PALLD: variants seen among roughly 807,000 people sequenced by gnomAD.
The protein encoded by PALLD is palladin.
PALLD carries 61 observed loss-of-function variants against 123.5 expected under a neutral mutation model. The ratio of observed to expected loss-of-function variants is 0.49; its 90% CI spans 0.40 to 0.61. The LOEUF is 0.61. PALLD is among the 20% of genes least tolerant of loss of function. PALLD has a pLI of 0.00. For missense variants in PALLD, 1,273 were observed against 1,377.0 expected, an observed-to-expected ratio of 0.92 and a Z score of 1.20; for synonymous variants, 465 against 496.4, an observed-to-expected ratio of 0.94 and a Z score of 0.84.
At chr4:168,830,754 G>T (rs1257866708) in intron 10 of PALLD, among the ~76,000 whole-genome samples, 1 of 152,148 alleles carries the variant, frequency 6.6e-6, no homozygotes, top group Non-Finnish European at 1.5e-5. Context: ...AGTCAATAAA[G>T]ATATTTCCGA....
intron 10 of PALLD, among the ~76,000 whole-genome samples, chr4:168,810,457 C>CT (rs1384103479): frequency 6.6e-6 from 1 of 151,924 alleles, no homozygotes; most frequent in African/African-American, 2.4e-5. Flanking sequence ...GAGTTCGAGA[C>CT]CAGCCTGGCC....
intron 10 of PALLD, among the ~76,000 whole-genome samples, chr4:168,867,008 T>C (rs991410023): frequency 6.6e-6 from 1 of 152,190 alleles, no homozygotes; most frequent in African/African-American, 2.4e-5. Flanking sequence ...TAAGTCGTGG[T>C]GCTTTGGTTA....
chr4:168,724,719 A>G (rs1786374267), intron 10 of PALLD, among the ~76,000 whole-genome samples: 1 of 152,174 alleles, frequency 6.6e-6, no homozygotes, highest in Non-Finnish European at 1.5e-5. Flanking sequence ...AGAAACCATA[A>G]TTACGATCAG....
chr4:168,765,005 A>G (rs1733472529), intron 10 of PALLD, among the ~76,000 whole-genome samples: 1 of 152,218 alleles, frequency 6.6e-6, no homozygotes, highest in African/African-American at 2.4e-5. Flanking sequence ...TAAACAGGAA[A>G]GAACATGATT....
At chr4:168,758,809 C>T (rs1411571219) in intron 10 of PALLD, among the ~76,000 whole-genome samples, 1 of 152,012 alleles carries the variant, frequency 6.6e-6, no homozygotes, top group Non-Finnish European at 1.5e-5. Context: ...GTTTCTCTCA[C>T]CAAGAAATAC....
Position 168,708,798 on chromosome 4 carries a change from A to G in PALLD, c.1502-230A>G, listed in dbSNP as rs1255915312. Among the ~76,000 whole-genome samples, 3 of 152,196 alleles carry G rather than the reference A, an allele frequency of 2.0e-5. No individual in the cohort carries two copies. The East Asian group carries it at 5.8e-4, about 29-fold the overall frequency. On this transcript the variant is annotated intron_variant, in intron 8 of 21. Coordinates refer to ENST00000505667, the MANE Select transcript of PALLD (RefSeq NM_001166108.2). ...CCCCATTTTATAGATGAGGACACCG[A>G]GACTGCTCTTGTCCAACATCACAAA... is the stretch of plus-strand genomic sequence containing the variant.
intron 10 of PALLD, among the ~76,000 whole-genome samples, chr4:168,798,962 C>A (rs1012430059): frequency 6.6e-6 from 1 of 152,128 alleles, no homozygotes; most frequent in African/African-American, 2.4e-5. Flanking sequence ...GAGCAATGAA[C>A]GAATCATGAA....
chr4:168,658,468 G>A (rs965533292), intron 2 of PALLD, among the ~76,000 whole-genome samples: 1 of 151,466 alleles, frequency 6.6e-6, no homozygotes, highest in Non-Finnish European at 1.5e-5. Flanking sequence ...AATTTTTTTT[G>A]TAGAGACAGG....
intron 3 of PALLD, among the ~76,000 whole-genome samples, chr4:168,673,495 C>T (rs1414927921): frequency 1.3e-5 from 2 of 152,286 alleles, no homozygotes; most frequent in Admixed American, 1.3e-4. Context: ...AGGCTTGGGC[C>T]GCAGCCGGGG....
intron 2 of PALLD, among the ~76,000 whole-genome samples, chr4:168,556,038 C>T (rs1767250508): frequency 6.6e-6 from 1 of 152,044 alleles, no homozygotes; most frequent in African/African-American, 2.4e-5. Context: ...GGTTTAAGAC[C>T]TCTTAGCACA....
chr4:168,776,110 T>C (rs1190984848), intron 10 of PALLD, among the ~76,000 whole-genome samples: 2 of 152,246 alleles, frequency 1.3e-5, no homozygotes, highest in African/African-American at 2.4e-5. Context: ...TTTGAACTTA[T>C]AGATCAATTT....
chr4:168,893,937 G>A (rs1489744921), intron 11 of PALLD, among the ~76,000 whole-genome samples: 5 of 152,210 alleles, frequency 3.3e-5, no homozygotes, highest in African/African-American at 1.2e-4. Context: ...ATTCAGCCAT[G>A]TGCATCATTC....
chr4:168,644,978 G>A (rs1450907324), intron 2 of PALLD, among the ~76,000 whole-genome samples: 2 of 151,834 alleles, frequency 1.3e-5, no homozygotes, highest in South Asian at 2.1e-4. Flanking sequence ...GTGGGCGCCT[G>A]TAATCCCAGC....
rs1186273408 is a variant in PALLD at position 168,770,560 on chromosome 4, T to C, written c.1964+58637T>C. 2.0e-5 allele frequency among the ~76,000 whole-genome samples: 3 copies of C among 152,182 alleles called. No individual in the cohort carries two copies. In the East Asian group the frequency reaches 5.8e-4, roughly 29 times the overall value. ...CCTGGGAAAAGGAAGTGTCTGTGGT[T>C]TTCATAGAGCATTCAGATCTTTTTT... On this transcript the variant is annotated intron_variant, in intron 10 of 21. Coordinates refer to ENST00000505667, the MANE Select transcript of PALLD (RefSeq NM_001166108.2).
chr4:168,606,785 T>C (rs1773228354), intron 2 of PALLD, among the ~76,000 whole-genome samples: 1 of 152,142 alleles, frequency 6.6e-6, no homozygotes, highest in Admixed American at 6.5e-5. Flanking sequence ...GTGTCCCCTT[T>C]GAATCCCTAC....
intron 2 of PALLD, among the ~76,000 whole-genome samples, chr4:168,637,773 A>C (rs184249665): frequency 1.3e-5 from 2 of 152,182 alleles, no homozygotes; most frequent in African/African-American, 4.8e-5. Flanking sequence ...GCGAAACCCC[A>C]TCTGTACTAA....
chr4:168,766,275 T>C (rs1033808961), intron 10 of PALLD, among the ~76,000 whole-genome samples: 1 of 152,276 alleles, frequency 6.6e-6, no homozygotes, highest in African/African-American at 2.4e-5. Flanking sequence ...CCTAGACTTC[T>C]GGGCAGCTCT....
At chr4:168,670,026 A>C (rs2150022121) in intron 3 of PALLD, among the ~76,000 whole-genome samples, 1 of 152,338 alleles carries the variant, frequency 6.6e-6, no homozygotes, top group Non-Finnish European at 1.5e-5. Context: ...AATGATAAAA[A>C]GATGTTTAAA....
At chr4:168,759,739 A>G (rs1732557899) in intron 10 of PALLD, among the ~76,000 whole-genome samples, 1 of 152,164 alleles carries the variant, frequency 6.6e-6, no homozygotes, top group African/African-American at 2.4e-5. Context: ...GGGAAGCAAA[A>G]AGAATGCCAC....
Sources: gnomAD v4.1 joint callset for allele counts (sites outside exome capture counted in the v4.1 genomes callset) on GRCh38, gnomAD v4.1.1 for gene constraint, MANE v1.5 for transcripts, NCBI Gene and HGNC (gene_info 2026-07-23, HGNC 2026-07-21) for gene names.